Variants in DYM observed in about 807,000 individuals in gnomAD.
The protein encoded by DYM is dymeclin.
Under a neutral mutation model 93.1 loss-of-function variants are expected in DYM, and 78 were observed. That is an observed-to-expected ratio of 0.84 (90% CI 0.70 to 1.01). The LOEUF (loss-of-function observed/expected upper bound fraction) is 1.01. Ranked by LOEUF, DYM falls within the 50% of genes least tolerant of loss-of-function variation. DYM has a pLI of 0.00. For synonymous variants in DYM, 321 were observed against 319.7 expected, an observed-to-expected ratio of 1.00 and a Z score of -0.04; for missense variants, 789 against 845.0, an observed-to-expected ratio of 0.93 and a Z score of 0.82.
At chr18:49,058,118 G>A (rs2075655891) in intron 17 of DYM, among the ~76,000 whole-genome samples, 1 of 152,164 alleles carries the variant, frequency 6.6e-6, no homozygotes, top group Non-Finnish European at 1.5e-5. Flanking sequence ...CAAAGCCAAA[G>A]GACAACTGGA....
chr18:49,305,826 C>G (rs2061240213), intron 8 of DYM, among the ~76,000 whole-genome samples: 3 of 152,124 alleles, frequency 2.0e-5, no homozygotes, highest in Non-Finnish European at 4.4e-5. Flanking sequence ...TAAACCCATC[C>G]TAATTAGCTT....
chr18:49,307,539 G>A (rs975739988), intron 8 of DYM, among the ~76,000 whole-genome samples: 2 of 152,170 alleles, frequency 1.3e-5, no homozygotes, highest in Non-Finnish European at 2.9e-5. Context: ...TATTCTTGGT[G>A]TGCATGTGGT....
At chr18:49,427,793 G>A in intron 2 of DYM, among the ~76,000 whole-genome samples, 1 of 152,292 alleles carries the variant, frequency 6.6e-6, no homozygotes, top group East Asian at 1.9e-4. Flanking sequence ...GCAATAAAAA[G>A]GAATGGAGGC....
At chr18:49,289,744 T>TATATATATATATACAC (rs2059935817) in intron 8 of DYM, among the ~76,000 whole-genome samples, 3 of 34,290 alleles carry the variant, frequency 8.7e-5, no homozygotes, top group African/African-American at 1.3e-4. Context: ...TATATATATA[T>TATATATATATATACAC]ATATATATAT....
intron 17 of DYM, among the ~76,000 whole-genome samples, chr18:49,089,219 G>A (rs1048128974): frequency 7.9e-5 from 12 of 152,176 alleles, no homozygotes; most frequent in Non-Finnish European, 1.5e-5. Flanking sequence ...AGAGCACCTG[G>A]TATAGAGCAA....
At chr18:49,066,862 T>C (rs1378674909) in intron 17 of DYM, among the ~76,000 whole-genome samples, 1 of 152,186 alleles carries the variant, frequency 6.6e-6, no homozygotes, top group African/African-American at 2.4e-5. Context: ...CATAGCCTCC[T>C]GTACTTTGGC....
chr18:49,293,953 TA>T (rs1886688511), intron 8 of DYM, among the ~76,000 whole-genome samples: 1 of 152,132 alleles, frequency 6.6e-6, no homozygotes, highest in Admixed American at 6.6e-5. Context: ...TTTTAGGTCT[TA>T]CATTTAGCTC....
At chr18:49,144,419 C>T (rs7242897) in intron 15 of DYM, among the ~76,000 whole-genome samples, 3,889 of 152,094 alleles carry the variant, frequency 0.026, 156 homozygotes, top group African/African-American at 0.087. Context: ...GCTCAATGCT[C>T]GAATCTACTA....
intron 14 of DYM, among the ~76,000 whole-genome samples, chr18:49,199,008 G>C (rs1305572651): frequency 6.6e-6 from 1 of 152,162 alleles, no homozygotes; most frequent in Non-Finnish European, 1.5e-5. Flanking sequence ...ACTGGATTAA[G>C]AAAATGTGGC....
chr18:49,160,991 C>G (rs1190486474), intron 15 of DYM, among the ~76,000 whole-genome samples: 1 of 151,644 alleles, frequency 6.6e-6, no homozygotes, highest in Non-Finnish European at 1.5e-5. Context: ...TAACCATTCT[C>G]TTCAATTAAA....
At chr18:49,341,873 G>A (rs1684839944) in intron 6 of DYM, among the ~76,000 whole-genome samples, 1 of 152,128 alleles carries the variant, frequency 6.6e-6, no homozygotes, top group Non-Finnish European at 1.5e-5. Context: ...AATCTAATTT[G>A]CTAAAGGTGT....
chr18:49,315,385 T>C (rs1171437180), intron 8 of DYM, among the ~76,000 whole-genome samples: 3 of 152,180 alleles, frequency 2.0e-5, no homozygotes, highest in Admixed American at 2.0e-4. Flanking sequence ...AAAATAGGCA[T>C]GGCAACATCC....
rs758112011 is a variant in DYM at position 49,282,115 on chromosome 18, T to C, written c.1007A>G (p.Tyr336Cys). The part of the protein sequence containing the change: ...HAFQINFNSL[Y>C]TALCEQQTSD... The stretch of plus-strand genomic sequence containing the variant: ...TGTCTGCTGTTCACAAAGAGCTGTG[T>C]ACAAACTATTAAAGTTGATCTGGAA... Residue 336 changes from tyrosine to cysteine, a missense_variant, in exon 10 of 18, where the codon TAC becomes TGC. Around this residue, in one of 3 missense-constraint regions of DYM, gnomAD observed 450 missense variants for 436.2 expected, o/e 1.03. Transcript: ENST00000675505. The C allele has an allele frequency of 1.9e-6, 3 of 1,613,922 alleles. No homozygotes were observed. Among genetic ancestry groups the C allele is most frequent in the Non-Finnish European group, 2.5e-6 (3 of 1,179,862 alleles).
At chr18:49,349,944 C>T (rs1253069428) in intron 6 of DYM, among the ~76,000 whole-genome samples, 1 of 152,026 alleles carries the variant, frequency 6.6e-6, no homozygotes, top group Admixed American at 6.5e-5. Context: ...GTGACAGAGA[C>T]CCTGTCTCAA....
At chr18:49,318,826 A>C (rs2062225299) in intron 8 of DYM, among the ~76,000 whole-genome samples, 1 of 127,204 alleles carries the variant, frequency 7.9e-6, no homozygotes, top group Admixed American at 8.6e-5. Flanking sequence ...TTTGAGACAG[A>C]GTCTCACTCT....
chr18:49,049,262 CT>C (rs2144287132), intron 17 of DYM, among the ~76,000 whole-genome samples: 1 of 152,234 alleles, frequency 6.6e-6, no homozygotes, highest in South Asian at 2.1e-4. Context: ...TTTGAAACAA[CT>C]ACAAAAAGCA....
intron 16 of DYM, 50 bp downstream of exon 16, chr18:49,118,694 G>T: frequency 6.6e-7 from 1 of 1,520,638 alleles, no homozygotes; most frequent in Non-Finnish European, 9.1e-7. Flanking sequence ...AACATTCTCT[G>T]CTTTAATACT....
intron 2 of DYM, among the ~76,000 whole-genome samples, chr18:49,415,361 TGA>T (rs1336505238): frequency 1.4e-5 from 2 of 146,324 alleles, no homozygotes; most frequent in South Asian, 2.1e-4. Flanking sequence ...ATTTTAAAAA[TGA>T]GAGAGAATTA....
At chr18:49,418,551 A>G (rs1175935531) in intron 2 of DYM, among the ~76,000 whole-genome samples, 1 of 152,216 alleles carries the variant, frequency 6.6e-6, no homozygotes, top group Non-Finnish European at 1.5e-5. Flanking sequence ...AGTTAATAGT[A>G]AGGAAGGATT....
Sources: allele counts gnomAD v4.1 joint callset (sites outside exome capture counted in the v4.1 genomes callset), GRCh38; gene constraint gnomAD v4.1.1; regional missense constraint gnomAD v4.1.1; transcripts MANE v1.5; gene names NCBI Gene and HGNC (gene_info 2026-07-23, HGNC 2026-07-21).